The following CDK14 variants were observed in gnomAD, a reference collection of about 807,000 sequenced individuals.
CDK14 encodes cyclin-dependent kinase 14.
In CDK14, 34 loss-of-function variants were observed where a neutral mutation model predicts 60.7. The ratio of observed to expected loss-of-function variants is 0.56; its 90% confidence interval spans 0.43 to 0.75. The LOEUF is 0.75. Among genes scored for constraint, CDK14 ranks in the 30% least tolerant of loss-of-function variants. The pLI, the probability that CDK14 is intolerant of heterozygous loss-of-function variation, is 0.00. For synonymous variants in CDK14, 197 were observed against 203.7 expected, an observed-to-expected ratio of 0.97 and a Z score of 0.28; for missense variants, 482 against 564.1, an observed-to-expected ratio of 0.85 and a Z score of 1.47.
intron 8 of CDK14, among the ~76,000 whole-genome samples, chr7:90,924,005 G>A (rs1793334323): frequency 6.6e-6 from 1 of 152,208 alleles, no homozygotes; most frequent in South Asian, 2.1e-4. Flanking sequence ...GCTATTGAAG[G>A]CAACAGTGAT....
intron 14 of CDK14, among the ~76,000 whole-genome samples, chr7:91,196,586 G>A (rs1412322354): frequency 2.0e-5 from 3 of 152,224 alleles, no homozygotes; most frequent in Non-Finnish European, 4.4e-5. Context: ...GGTGGCCTTA[G>A]CCATCTCCTC....
intron 14 of CDK14, among the ~76,000 whole-genome samples, chr7:91,199,274 A>G (rs1802644249): frequency 6.6e-6 from 1 of 152,078 alleles, no homozygotes. Context: ...ATTTATCTTT[A>G]TGATATGTTT....
intron 1 of CDK14, among the ~76,000 whole-genome samples, chr7:90,602,502 G>C (rs1799337415): frequency 6.6e-6 from 1 of 152,218 alleles, no homozygotes; most frequent in African/African-American, 2.4e-5. Flanking sequence ...TGGGTTGAGG[G>C]AGTAGACAGT....
At chr7:90,987,092 C>G (rs1795392709) in intron 10 of CDK14, among the ~76,000 whole-genome samples, 2 of 151,892 alleles carry the variant, frequency 1.3e-5, no homozygotes, top group Admixed American at 6.6e-5. Context: ...ATAGCTTTGT[C>G]AAAGCTTTCA....
chr7:90,815,833 T>C (rs2117059877), intron 5 of CDK14, among the ~76,000 whole-genome samples: 1 of 151,484 alleles, frequency 6.6e-6, no homozygotes, highest in South Asian at 2.1e-4. Context: ...AACCAAACAC[T>C]GCATGTTCTC....
chr7:91,027,452 C>G (rs3808295), intron 10 of CDK14, among the ~76,000 whole-genome samples: 1 of 152,122 alleles, frequency 6.6e-6, no homozygotes, highest in East Asian at 1.9e-4. Flanking sequence ...CATACTTCCT[C>G]GGAAGATGCC....
chr7:90,886,075 A>G (rs887623903), intron 6 of CDK14, among the ~76,000 whole-genome samples: 1 of 152,214 alleles, frequency 6.6e-6, no homozygotes, highest in African/African-American at 2.4e-5. Context: ...TAAAATTCTT[A>G]AAACAAATTC....
chr7:91,110,379 T>A (rs200455136), intron 12 of CDK14, among the ~76,000 whole-genome samples: 1 of 152,180 alleles, frequency 6.6e-6, no homozygotes, highest in Admixed American at 6.5e-5. Flanking sequence ...GTCAACAATT[T>A]ACTGCAGAAA....
chr7:90,745,061 T>G (rs1803536694), intron 3 of CDK14, among the ~76,000 whole-genome samples: 1 of 152,226 alleles, frequency 6.6e-6, no homozygotes, highest in Non-Finnish European at 1.5e-5. Flanking sequence ...CTTATTTATA[T>G]CAATTTACTG....
At chr7:91,050,458 A>G (rs956263098) in intron 11 of CDK14, among the ~76,000 whole-genome samples, 1 of 152,234 alleles carries the variant, frequency 6.6e-6, no homozygotes, top group African/African-American at 2.4e-5. Flanking sequence ...TAAAATAATT[A>G]TTGAAATAGT....
chr7:90,953,988 A>G (rs1794333753), intron 8 of CDK14, among the ~76,000 whole-genome samples: 1 of 152,212 alleles, frequency 6.6e-6, no homozygotes, highest in African/African-American at 2.4e-5. Context: ...TGTTATAGAA[A>G]TCTATTATCA....
chr7:90,785,456 T>C (rs1250661565), intron 4 of CDK14, among the ~76,000 whole-genome samples: 1 of 152,172 alleles, frequency 6.6e-6, no homozygotes, highest in Non-Finnish European at 1.5e-5. Flanking sequence ...TTTTCCTTTA[T>C]TGTTTTTGCA....
At chr7:91,173,727 C>A (rs555811778) in intron 14 of CDK14, among the ~76,000 whole-genome samples, 4 of 152,288 alleles carry the variant, frequency 2.6e-5, no homozygotes, top group African/African-American at 9.6e-5. Flanking sequence ...TCACTCCCAC[C>A]CCAATACCGC....
rs1793573893 is a variant in CDK14, at chr7:90,930,955, C to T, written c.826+13231C>T. Among the ~76,000 whole-genome samples, 5 of 152,138 alleles carry T rather than the reference C, an allele frequency of 3.3e-5. No homozygotes were observed. In the South Asian group the frequency reaches 1.0e-3, roughly 32 times the overall value. The stretch of plus-strand genomic sequence containing the variant: ...TTGAAGGTAATTCATTTGAAATAAT[C>T]TTATAAGATCATATCATATGACTTC... On this transcript the variant is annotated intron_variant, in intron 8 of 14. Transcript: ENST00000380050.
chr7:91,194,839 T>C (rs1802484865), intron 14 of CDK14, among the ~76,000 whole-genome samples: 1 of 152,186 alleles, frequency 6.6e-6, no homozygotes, highest in Non-Finnish European at 1.5e-5. Flanking sequence ...AAAGGGAGCA[T>C]TTCATTGCTT....
intron 11 of CDK14, among the ~76,000 whole-genome samples, chr7:91,047,853 C>T (rs74383566): frequency 0.076 from 11,600 of 152,162 alleles, 645 homozygotes; most frequent in African/African-American, 0.15. Context: ...CCAAGTCCTT[C>T]CAAGCAGCAC....
chr7:90,946,550 T>C (rs1286226182), intron 8 of CDK14, among the ~76,000 whole-genome samples: 1 of 152,242 alleles, frequency 6.6e-6, no homozygotes, highest in African/African-American at 2.4e-5. Flanking sequence ...TTCTTGAATT[T>C]GCTCAATAAT....
At chr7:91,047,873 C>T (rs1012448577) in intron 11 of CDK14, among the ~76,000 whole-genome samples, 1 of 152,134 alleles carries the variant, frequency 6.6e-6, no homozygotes, top group African/African-American at 2.4e-5. Context: ...CTTACCAGAC[C>T]ATCCAGGGGA....
chr7:90,666,469 C>A (rs1800982100), intron 2 of CDK14: 2 of 152,216 alleles, frequency 1.3e-5, no homozygotes, highest in East Asian at 1.9e-4. Flanking sequence ...ATACTATAGC[C>A]CTTTTTGGAT....
Sources: gnomAD v4.1 joint callset for allele counts (sites outside exome capture counted in the v4.1 genomes callset) on GRCh38, gnomAD v4.1.1 for gene constraint, MANE v1.5 for transcripts, NCBI Gene and HGNC (gene_info 2026-07-23, HGNC 2026-07-21) for gene names.